The following CACNB4 variants were observed in gnomAD, a reference collection of about 807,000 sequenced individuals.
The protein encoded by CACNB4 is calcium voltage-gated channel auxiliary subunit beta 4, also known as voltage-dependent L-type calcium channel subunit beta-4.
CACNB4 carries 32 observed loss-of-function variants against 71.2 expected under a neutral mutation model. The ratio of observed to expected loss-of-function variants is 0.45; its 90% CI spans 0.34 to 0.60. The LOEUF is 0.60. Ranked by LOEUF, CACNB4 falls within the 20% of genes least tolerant of loss-of-function variation. The pLI is 0.01. For synonymous variants in CACNB4, 231 were observed against 236.9 expected (o/e 0.97, Z 0.23); for missense variants, 464 against 647.9 (o/e 0.72, Z 3.08).
chr2:151,926,119 A>G (rs1236703377), intron 2 of CACNB4, among the ~76,000 whole-genome samples: 1 of 152,194 alleles, frequency 6.6e-6, no homozygotes, highest in African/African-American at 2.4e-5. Flanking sequence ...TGGATGAGAT[A>G]AATGAAAGAA....
At chr2:152,050,292 T>C (rs912150608) in intron 2 of CACNB4, among the ~76,000 whole-genome samples, 1 of 152,168 alleles carries the variant, frequency 6.6e-6, no homozygotes, top group Non-Finnish European at 1.5e-5. Flanking sequence ...GATCATCTGC[T>C]ATTGATGAAG....
chr2:152,081,480 T>C (rs779627472), intron 2 of CACNB4, among the ~76,000 whole-genome samples: 2 of 151,844 alleles, frequency 1.3e-5, no homozygotes, highest in South Asian at 2.1e-4. Context: ...AGCAAGACCC[T>C]GTCAATAAAA....
rs368411358 is a variant in CACNB4, at chr2:151,990,618, A to G, written c.148-107248T>C. Among the ~76,000 whole-genome samples, 15 of 152,362 alleles carry G rather than the reference A, an allele frequency of 9.8e-5. No individual in the cohort carries two copies. In the East Asian group the frequency reaches 1.7e-3, roughly 18 times the overall value. On this transcript the variant is annotated intron_variant, in intron 2 of 13. Transcript: ENST00000539935. ...AAAGTGCCCCCCAATCTTTTAACAA[A>G]GAGTTCTGCAAATTCTGGGATTAAT...
At chr2:151,926,785 G>A (rs780955223) in intron 2 of CACNB4, among the ~76,000 whole-genome samples, 7 of 152,160 alleles carry the variant, frequency 4.6e-5, no homozygotes, top group Non-Finnish European at 1.0e-4. Flanking sequence ...TCATGTGACT[G>A]TGCTCTTCTG....
intron 2 of CACNB4, among the ~76,000 whole-genome samples, chr2:152,070,507 A>C (rs909067831): frequency 1.3e-5 from 2 of 152,092 alleles, no homozygotes; most frequent in Non-Finnish European, 2.9e-5. Context: ...AAAACACTAC[A>C]CTTAACACAA....
chr2:152,006,004 C>T (rs1015796016), intron 2 of CACNB4, among the ~76,000 whole-genome samples: 1 of 152,206 alleles, frequency 6.6e-6, no homozygotes, highest in Non-Finnish European at 1.5e-5. Context: ...CTTTGTCATA[C>T]CATAAAAATC....
rs1309137365 is a variant in CACNB4 at position 151,988,428 on chromosome 2, G to A, written c.148-105058C>T. 2.6e-5 allele frequency among the ~76,000 whole-genome samples: 4 copies of A among 152,236 alleles called. No homozygotes were observed. In the East Asian group the frequency reaches 7.7e-4, roughly 29 times the overall value. ...AAAACCTTCCCCACCCTACATGAGA[G>A]TGGGTAATCAAATAATAAATATATA... On this transcript the variant is annotated intron_variant, in intron 2 of 13. Transcript: ENST00000539935.
chr2:151,993,819 T>A (rs1020871097), intron 2 of CACNB4, among the ~76,000 whole-genome samples: 10 of 150,824 alleles, frequency 6.6e-5, no homozygotes, highest in Non-Finnish European at 8.9e-5. Context: ...CACCTCGGCC[T>A]CCCAAAGTGC....
At position 151,881,015 on chromosome 2, in the gene CACNB4, T is replaced by A. The variant is rs2099847681; in HGVS notation, c.268-93A>T. On this transcript the variant is annotated intron_variant, in intron 3 of 13. Coordinates refer to ENST00000539935, the MANE Select transcript of CACNB4 (RefSeq NM_000726.5). The stretch of plus-strand genomic sequence containing the variant: ...TCTGATAGTACCAGGTAGTGAGAAA[T>A]AACTTTCCAAAGAGGGATCTCAAAT... 5 of 1,267,662 alleles carry A rather than the reference T, an allele frequency of 3.9e-6. No homozygotes were observed. The Admixed American group carries it at 1.3e-4, about 33-fold the overall frequency. 78.5% of individuals were successfully genotyped at this position (1,267,662 alleles called of 1,614,324 possible). A position where few individuals can be genotyped will look rare whatever the true frequency, so the allele number is the denominator to read the frequency against.
chr2:152,008,945 T>C (rs1369368435), intron 2 of CACNB4, among the ~76,000 whole-genome samples: 1 of 151,270 alleles, frequency 6.6e-6, no homozygotes, highest in African/African-American at 2.4e-5. Flanking sequence ...CCTCATCTGG[T>C]AAGTACTCTG....
intron 9 of CACNB4, among the ~76,000 whole-genome samples, chr2:151,862,015 C>A (rs2099841866): frequency 6.6e-6 from 1 of 152,122 alleles, no homozygotes; most frequent in Admixed American, 6.5e-5. Flanking sequence ...TCAAAGCTTG[C>A]CTCTTTAGGC....
chr2:152,011,186 T>A (rs1035418114), intron 2 of CACNB4, among the ~76,000 whole-genome samples: 2 of 152,214 alleles, frequency 1.3e-5, no homozygotes, highest in Admixed American at 6.5e-5. Flanking sequence ...ATCATTGAGA[T>A]GAAGTCATCT....
chr2:152,035,382 G>C (rs1684497560), intron 2 of CACNB4, among the ~76,000 whole-genome samples: 1 of 152,174 alleles, frequency 6.6e-6, no homozygotes, highest in African/African-American at 2.4e-5. Context: ...CCAACATGGA[G>C]AAACCCCATC....
chr2:151,883,433 C>G (rs2151453358), intron 2 of CACNB4, 63 bp from the exon 3 acceptor site: 1 of 1,561,464 alleles, frequency 6.4e-7, no homozygotes, highest in Non-Finnish European at 8.8e-7. Context: ...ACATCCATAA[C>G]AGTATCCTGG....
In CACNB4 at chr2:151,834,110, T is replaced by C. The variant is rs771091921; in HGVS notation, c.*5009A>G. On this transcript the variant is annotated 3_prime_UTR_variant, in exon 14 of 14. Coordinates refer to ENST00000539935, the MANE Select transcript of CACNB4 (RefSeq NM_000726.5). ...CCTACATAAATATAGACATAGCCATTTGTTGAGAAATTTAAGTGTTCAAAA... is the reference window on the plus strand; with the variant it reads ...CCTACATAAATATAGACATAGCCATCTGTTGAGAAATTTAAGTGTTCAAAA... The C allele has an allele frequency of 6.6e-6, 1 of 152,036 alleles. No homozygotes were observed. The highest frequency in any genetic ancestry group is 2.4e-5 in the African/African-American group (1 of 41,442). The allele number at this position is 152,036 out of a possible 1,614,324, so 9.4% of individuals were successfully genotyped here.
intron 2 of CACNB4, among the ~76,000 whole-genome samples, chr2:151,946,285 C>A (rs529894457): frequency 6.6e-6 from 1 of 151,354 alleles, no homozygotes; most frequent in Non-Finnish European, 1.5e-5. Context: ...GCCAAGATTG[C>A]GCCATTGCAC....
intron 2 of CACNB4, among the ~76,000 whole-genome samples, chr2:152,066,061 CT>C (rs1413420714): frequency 6.6e-6 from 1 of 152,152 alleles, no homozygotes; most frequent in Non-Finnish European, 1.5e-5. Flanking sequence ...GGAATAAAGC[CT>C]ATACAGGAAG....
chr2:151,897,494 T>C (rs978569971), intron 2 of CACNB4, among the ~76,000 whole-genome samples: 1 of 152,222 alleles, frequency 6.6e-6, no homozygotes, highest in Admixed American at 6.5e-5. Context: ...GCTCATCAAT[T>C]TGTTGGAAAC....
intron 10 of CACNB4, chr2:151,858,967 G>C (rs2099840972): frequency 6.6e-6 from 1 of 152,162 alleles, no homozygotes; most frequent in Non-Finnish European, 1.5e-5. Flanking sequence ...CTGTCTCTTT[G>C]CCCATGGGTA....
Sources: allele counts gnomAD v4.1 joint callset (sites outside exome capture counted in the v4.1 genomes callset), GRCh38; gene constraint gnomAD v4.1.1; transcripts MANE v1.5; gene names NCBI Gene and HGNC (gene_info 2026-07-23, HGNC 2026-07-21).